LSAMP: variants seen among roughly 807,000 people sequenced by gnomAD.
The protein encoded by LSAMP is limbic system associated membrane protein.
Under a neutral mutation model 38.6 loss-of-function variants are expected in LSAMP, and 7 were observed. That is an observed-to-expected ratio of 0.18 (90% CI 0.10 to 0.34). LSAMP has a LOEUF of 0.34. LSAMP is among the 10% of genes least tolerant of loss of function. The probability of loss-of-function intolerance (pLI) is 1.00; values close to 1 mark genes in which losing one functional copy is unlikely to be tolerated. For missense variants in LSAMP, 313 were observed against 420.0 expected, an observed-to-expected ratio of 0.75 and a Z score of 2.23; for synonymous variants, 154 against 166.8, an observed-to-expected ratio of 0.92 and a Z score of 0.59.
intron 2 of LSAMP, among the ~76,000 whole-genome samples, chr3:116,079,012 A>T (rs9854711): frequency 0.26 from 39,986 of 152,016 alleles, 7,291 homozygotes; most frequent in African/African-American, 0.52. Context: ...TATGTACACA[A>T]TTCTCTCTCT....
At chr3:116,172,687 G>A (rs1389507947) in intron 1 of LSAMP, among the ~76,000 whole-genome samples, 1 of 151,754 alleles carries the variant, frequency 6.6e-6, no homozygotes, top group Non-Finnish European at 1.5e-5. Context: ...TCAGAATCAT[G>A]TTGTTGAGAG....
chr3:116,004,088 T>C (rs1415055203), intron 3 of LSAMP, among the ~76,000 whole-genome samples: 1 of 152,198 alleles, frequency 6.6e-6, no homozygotes. Context: ...TTTTGTAGTT[T>C]AGTTTCCTAC....
At chr3:115,890,658 TC>T (rs1332930514) in intron 3 of LSAMP, among the ~76,000 whole-genome samples, 2 of 151,878 alleles carry the variant, frequency 1.3e-5, no homozygotes, top group Non-Finnish European at 2.9e-5. Flanking sequence ...TTTCCCTTTT[TC>T]CCAGGAAACA....
chr3:115,933,827 A>C (rs1937621437), intron 3 of LSAMP, among the ~76,000 whole-genome samples: 1 of 152,206 alleles, frequency 6.6e-6, no homozygotes, highest in Non-Finnish European at 1.5e-5. Context: ...CTCCGCGAGA[A>C]TGTGCCTGTT....
chr3:116,209,111 T>G (rs1282851833), intron 1 of LSAMP, among the ~76,000 whole-genome samples: 3 of 152,158 alleles, frequency 2.0e-5, no homozygotes, highest in Non-Finnish European at 2.9e-5. Flanking sequence ...GGTGTGCCGT[T>G]TTTTAAGCCG....
In LSAMP at chr3:116,342,520, C is replaced by A. The variant is rs560471903; in HGVS notation, c.155+102357G>T. Among the ~76,000 whole-genome samples, 25 of 152,158 alleles carry A rather than the reference C, an allele frequency of 1.6e-4. 1 individual carries two copies. The South Asian group carries it at 5.2e-3, about 32-fold the overall frequency. On this transcript the variant is annotated intron_variant, in intron 1 of 6. Coordinates refer to ENST00000490035, the MANE Select transcript of LSAMP (RefSeq NM_002338.5). Reference sequence around the variant, plus strand: ...ACATTGTTTTTCTCCACAAAGAAATCTCTGTTCAACGGATGAGGAATATGT... The same window carrying A: ...ACATTGTTTTTCTCCACAAAGAAATATCTGTTCAACGGATGAGGAATATGT...
intron 1 of LSAMP, among the ~76,000 whole-genome samples, chr3:116,358,990 G>T (rs536151925): frequency 6.6e-6 from 1 of 152,092 alleles, no homozygotes; most frequent in Non-Finnish European, 1.5e-5. Flanking sequence ...TCTTCACCAC[G>T]TATAAAATCT....
At chr3:116,424,228 T>C (rs1012971083) in intron 1 of LSAMP, among the ~76,000 whole-genome samples, 1 of 152,210 alleles carries the variant, frequency 6.6e-6, no homozygotes, top group Non-Finnish European at 1.5e-5. Flanking sequence ...GTATGTGACA[T>C]GTCTTTAGAA....
At chr3:116,273,683 C>CAGATATATATATAGATATATATATAT (rs150705226) in intron 1 of LSAMP, among the ~76,000 whole-genome samples, 1 of 50,524 alleles carries the variant, frequency 2.0e-5, no homozygotes, top group African/African-American at 1.3e-4. Context: ...GAGAAAGAGG[C>CAGATATATATATAGATATATATATAT]ATATATATAT....
At chr3:116,370,177 T>C (rs960671360) in intron 1 of LSAMP, 10 of 152,206 alleles carry the variant, frequency 6.6e-5, no homozygotes, top group African/African-American at 2.4e-4. Context: ...AACAATTTTG[T>C]AGTTATAGTG....
chr3:116,215,983 T>C (rs976545439), intron 1 of LSAMP, among the ~76,000 whole-genome samples: 1 of 152,210 alleles, frequency 6.6e-6, no homozygotes, highest in Non-Finnish European at 1.5e-5. Context: ...CAACAGCTCC[T>C]TGAACAGAAA....
At chr3:115,945,008 G>A (rs778582425) in intron 3 of LSAMP, among the ~76,000 whole-genome samples, 5 of 151,916 alleles carry the variant, frequency 3.3e-5, no homozygotes, top group Non-Finnish European at 7.4e-5. Flanking sequence ...TTTCTAGGAA[G>A]CTTATTCTAA....
intron 3 of LSAMP, among the ~76,000 whole-genome samples, chr3:115,857,292 C>T (rs568328287): frequency 2.6e-5 from 4 of 152,292 alleles, no homozygotes; most frequent in African/African-American, 7.2e-5. Context: ...TTTGCCCCCA[C>T]GAGCCTGTCC....
chr3:116,016,758 T>C (rs1940495395), intron 3 of LSAMP, among the ~76,000 whole-genome samples: 1 of 152,190 alleles, frequency 6.6e-6, no homozygotes, highest in Non-Finnish European at 1.5e-5. Context: ...GAAATTTGAA[T>C]TGTATATATA....
chr3:116,030,480 G>A (rs1940893253), intron 2 of LSAMP, among the ~76,000 whole-genome samples: 1 of 152,170 alleles, frequency 6.6e-6, no homozygotes, highest in African/African-American at 2.4e-5. Context: ...ATTTGTTTTT[G>A]CTAATTTGGG....
intron 6 of LSAMP, among the ~76,000 whole-genome samples, chr3:115,839,481 C>T (rs1452140031): frequency 6.6e-6 from 1 of 152,086 alleles, no homozygotes; most frequent in Non-Finnish European, 1.5e-5. Context: ...CCTGCTACAA[C>T]AGAAGGAGAG....
intron 1 of LSAMP, among the ~76,000 whole-genome samples, chr3:116,394,639 A>G (rs1311926424): frequency 6.6e-6 from 1 of 152,170 alleles, no homozygotes; most frequent in Non-Finnish European, 1.5e-5. Context: ...TTTACGCAGA[A>G]AGAAAAACCA....
intron 1 of LSAMP, among the ~76,000 whole-genome samples, chr3:116,211,513 ACT>A (rs2046156566): frequency 1.3e-5 from 2 of 152,178 alleles, no homozygotes; most frequent in African/African-American, 2.4e-5. Flanking sequence ...AATAACCAAG[ACT>A]CTATTAAGCT....
intron 1 of LSAMP, among the ~76,000 whole-genome samples, chr3:116,423,265 T>G (rs1428204396): frequency 1.3e-5 from 2 of 152,194 alleles, no homozygotes; most frequent in Non-Finnish European, 2.9e-5. Flanking sequence ...TTCCTCATGA[T>G]CAAGAAAGTG....
Sources: gnomAD v4.1 joint callset for allele counts (sites outside exome capture counted in the v4.1 genomes callset) on GRCh38, gnomAD v4.1.1 for gene constraint, MANE v1.5 for transcripts, NCBI Gene and HGNC (gene_info 2026-07-23, HGNC 2026-07-21) for gene names.